RPL17: variants seen among roughly 807,000 people sequenced by gnomAD.
RPL17 encodes the protein large ribosomal subunit protein uL22.
In RPL17, 2 loss-of-function variants were observed where a neutral mutation model predicts 27.7. The ratio of observed to expected loss-of-function variants is 0.07; its 90% CI spans 0.03 to 0.23. RPL17 has a LOEUF of 0.23. RPL17 is among the 10% of genes least tolerant of loss of function. RPL17 has a pLI of 1.00. For missense variants in RPL17, 141 were observed against 238.8 expected, an observed-to-expected ratio of 0.59 and a Z score of 2.70; for synonymous variants, 76 against 75.5, an observed-to-expected ratio of 1.01 and a Z score of -0.03.
chr18:49,489,603 C>T, intron 5 of RPL17, 53 bp from the exon 6 acceptor site: 6 of 1,557,160 alleles, frequency 3.9e-6, no homozygotes, highest in Non-Finnish European at 5.2e-6. Flanking sequence ...ATTAGTAAAA[C>T]ACCACAAACT....
At chr18:49,491,507 G>A (rs375579175) in intron 2 of RPL17, 25 bp downstream of exon 2, 96 of 1,614,024 alleles carry the variant, frequency 5.9e-5, no homozygotes, top group Non-Finnish European at 7.6e-5. Context: ...AGTAGGAAAT[G>A]GGTATCTACC....
At chr18:49,491,750 GGCTT>G in intron 1 of RPL17, 166 bp from the exon 2 acceptor site, 1 of 935,212 alleles carries the variant, frequency 1.1e-6, no homozygotes. Flanking sequence ...CCCCACCAAG[GGCTT>G]GCTTTCCCTT....
At chr18:49,490,245 C>A in intron 5 of RPL17, 1 of 549,172 alleles carries the variant, frequency 1.8e-6, no homozygotes, top group South Asian at 2.1e-5. Context: ...GACCACAGAG[C>A]ACGCTTCTGG....
chr18:49,489,046 C>T (rs1448539764), intron 6 of RPL17: 2 of 271,530 alleles, frequency 7.4e-6, no homozygotes, highest in Admixed American at 4.8e-5. Flanking sequence ...CTACAGATAC[C>T]CGCCACCACG....
intron 5 of RPL17, 159 bp downstream of exon 5, chr18:49,490,295 T>G (rs949652494): frequency 2.5e-6 from 2 of 794,684 alleles, no homozygotes; most frequent in Non-Finnish European, 1.9e-6. Flanking sequence ...TCAAAAAAAA[T>G]AAAAGGAAAT....
chr18:49,491,418 C>T lies in RPL17; in HGVS notation c.68G>A (p.Arg23His), dbSNP rs1275696602. The change falls in exon 3 of 7, where the codon CGT becomes CAT. Residue 23 changes from arginine to histidine, a missense_variant. Physicochemically the swap from Arg to His is conservative, Grantham distance 29 (BLOSUM62 0). This residue lies in a region of RPL17 where 107 missense variants were observed against 150.1 expected (regional missense o/e 0.71). Transcript: ENST00000580261. The stretch of plus-strand genomic sequence containing the variant: ...TGAATCGCATACCTTAAAGTGAACA[C>T]GAAGATTGGAACCTCTTGATTTGCA... ...KSCKSRGSNL[R>H]VHFKNTRETA... The T allele has an allele frequency of 1.2e-6, 2 of 1,613,934 alleles. No individual in the cohort carries two copies. Among genetic ancestry groups the T allele is most frequent in the African/African-American group, 1.3e-5 (1 of 74,860 alleles).
At chr18:49,492,155 C>T (rs1403088280) in intron 1 of RPL17, 1 of 159,832 alleles carries the variant, frequency 6.3e-6, no homozygotes, top group Non-Finnish European at 1.4e-5. Flanking sequence ...CCTCCGGAGT[C>T]CGCACGGACC....
At chr18:49,489,094 G>A (rs1414575469) in intron 6 of RPL17, 2 of 318,726 alleles carry the variant, frequency 6.3e-6, no homozygotes, top group Non-Finnish European at 1.2e-5. Flanking sequence ...GTAGAGACGG[G>A]GTTTCACTGT....
chr18:49,491,253 C>T, intron 3 of RPL17, 152 bp downstream of exon 3: 2 of 1,239,502 alleles, frequency 1.6e-6, no homozygotes, highest in Non-Finnish European at 2.4e-6. Flanking sequence ...CATCCTTACA[C>T]CCTGATCATC....
chr18:49,491,595 G>T lies in RPL17; in HGVS notation c.-13-11C>A. ...ATTTTCACAGATCACCTAGAGGAAA[G>T]TACAGTGTAATTCTGTCAATACGTA... is the stretch of plus-strand genomic sequence containing the variant. On this transcript the variant is annotated splice_polypyrimidine_tract_variant and intron_variant, in intron 1 of 6. Coordinates refer to ENST00000580261, the MANE Select transcript of RPL17 (RefSeq NM_001035006.5). 6.2e-7 allele frequency: 1 copy of T among 1,614,140 alleles called. No homozygotes were observed. The highest frequency in any genetic ancestry group is 8.5e-7 in the Non-Finnish European group (1 of 1,180,018).
At chr18:49,490,745 C>G (rs2084009239) in intron 4 of RPL17, 48 bp downstream of exon 4, 4 of 1,612,698 alleles carry the variant, frequency 2.5e-6, no homozygotes, top group Middle Eastern at 1.7e-4. Context: ...TATCCCATCA[C>G]TTTTCCATTA....
intron 3 of RPL17, 29 bp downstream of exon 3, chr18:49,491,376 C>T (rs368897991): frequency 5.0e-6 from 8 of 1,614,112 alleles, no homozygotes; most frequent in African/African-American, 2.7e-5. Context: ...ACATGAGGAA[C>T]TGTTGGATCA....
chr18:49,490,351 A>AGT (rs1555770963), intron 5 of RPL17, 103 bp downstream of exon 5: 33 of 1,240,146 alleles, frequency 2.7e-5, no homozygotes, highest in Non-Finnish European at 3.7e-5. Flanking sequence ...AAAAATCCTA[A>AGT]GAGTTAATTA....
intron 6 of RPL17, 99 bp from the exon 7 acceptor site, chr18:49,488,665 A>T (rs1600486237): frequency 2.2e-5 from 16 of 719,290 alleles, no homozygotes; most frequent in East Asian, 2.5e-5. Flanking sequence ...GTCGTTAAGG[A>T]CTAAGGGGGA....
At chr18:49,490,611 A>C in intron 4 of RPL17, 59 bp from the exon 5 acceptor site, 2 of 1,610,210 alleles carry the variant, frequency 1.2e-6, no homozygotes, top group Non-Finnish European at 1.7e-6. Context: ...ATTACAGCCA[A>C]GATGAATTTA....
At position 49,490,886 on chromosome 18, in the gene RPL17, T is replaced by A; in HGVS notation, c.123A>T (p.Ile41=). 6.2e-7 allele frequency: 1 copy of A among 1,613,950 alleles called. No individual in the cohort carries two copies. Among genetic ancestry groups the A allele is most frequent in the East Asian group, 2.2e-5 (1 of 44,884 alleles). The change falls in exon 4 of 7, where the codon ATA becomes ATT. Residue 41 remains isoleucine (I), a synonymous_variant. Transcript: ENST00000580261. ...ETAQAIKGMH[I]RKATKYLKDV... ...CTTTCAGATACTTCGTGGCTTTTCG[T>A]ATATGCATACCCTTGATGGCCTGAG...
chr18:49,491,128 T>C, intron 3 of RPL17: 2 of 936,604 alleles, frequency 2.1e-6, no homozygotes, highest in Non-Finnish European at 3.3e-6. Context: ...ATTTATTCAC[T>C]ATAAAACGTT....
chr18:49,489,874 G>C (rs1351128977), intron 5 of RPL17, among the ~76,000 whole-genome samples: 1 of 152,168 alleles, frequency 6.6e-6, no homozygotes, highest in African/African-American at 2.4e-5. Context: ...AAATTTCTCA[G>C]CATGGCTTAG....
chr18:49,491,142 A>C, intron 3 of RPL17: 1 of 909,300 alleles, frequency 1.1e-6, no homozygotes, highest in East Asian at 2.4e-5. Flanking sequence ...AAACGTTTAA[A>C]TTCCATCATC....
Sources: gnomAD v4.1 joint callset for allele counts (sites outside exome capture counted in the v4.1 genomes callset) on GRCh38, gnomAD v4.1.1 for gene constraint, gnomAD v4.1.1 regional missense constraint, MANE v1.5 for transcripts, NCBI Gene and HGNC (gene_info 2026-07-23, HGNC 2026-07-21) for gene names.